The following ASB18 variants were observed in gnomAD, a reference collection of about 807,000 sequenced individuals.
ASB18 encodes the protein ankyrin repeat and SOCS box containing 18.
In ASB18, 33 loss-of-function variants were observed where a neutral mutation model predicts 33.4. That is an observed-to-expected ratio of 0.99 (90% CI 0.75 to 1.32). ASB18 has a LOEUF of 1.32. ASB18 is among the 40% of genes most tolerant of loss of function. ASB18 has a pLI of 0.00. For synonymous variants in ASB18, 295 were observed against 307.6 expected (o/e 0.96, Z 0.43); for missense variants, 694 against 655.5 (o/e 1.06, Z -0.64).
At position 236,239,758 on chromosome 2, in the gene ASB18, C is replaced by T. The variant is rs763280682; in HGVS notation, c.328+1522G>A. Among the ~76,000 whole-genome samples the T allele has an allele frequency of 5.9e-4, 90 of 152,336 alleles. No homozygotes were observed. The highest frequency in any genetic ancestry group is 9.8e-4 in the Non-Finnish European group (67 of 68,034). ...TCCCCACCAGGGGAGCTGGAATTGGCCACCGGGAAGTCTTTTCATGGGAGA... is the reference window on the plus strand; with the variant it reads ...TCCCCACCAGGGGAGCTGGAATTGGTCACCGGGAAGTCTTTTCATGGGAGA... On this transcript the variant is annotated intron_variant, in intron 2 of 5. Coordinates refer to ENST00000409749, the MANE Select transcript of ASB18 (RefSeq NM_212556.4). The surrounding 1 kb of genome is among the most constrained non-coding windows in gnomAD (Gnocchi z 5.6).
In ASB18 at chr2:236,214,573, A is replaced by T; in HGVS notation, c.890T>A (p.Leu297Gln). 7.4e-7 allele frequency: 1 copy of T among 1,355,606 alleles called. No individual in the cohort carries two copies. The highest frequency in any genetic ancestry group is 9.4e-7 in the Non-Finnish European group (1 of 1,064,080). The allele number at this position is 1,355,606 out of a possible 1,614,324, so 84.0% of individuals were successfully genotyped here. ...GCTCGCGTGGCCGCAGGCTTTGTGCAGCGGGCTGCGCTCGTCCTCGTCGCG... is the reference window on the plus strand; with the variant it reads ...GCTCGCGTGGCCGCAGGCTTTGTGCTGCGGGCTGCGCTCGTCCTCGTCGCG... ...DARDEDERSP[L>Q]HKACGHASHS... Residue 297 changes from leucine (L) to glutamine (Q), a missense_variant, in exon 4 of 6, where the codon CTG becomes CAG. Physicochemically the swap from Leu to Gln is moderately radical, Grantham distance 113. Coordinates refer to ENST00000409749, the MANE Select transcript of ASB18 (RefSeq NM_212556.4). This position sits in a 1 kb window ranked among gnomAD's most constrained non-coding sequence, Gnocchi z 6.5.
At chr2:236,247,538 C>T (rs1352921544) in intron 1 of ASB18, 1 of 143,496 alleles carries the variant, frequency 7.0e-6, no homozygotes, top group Non-Finnish European at 1.5e-5. Flanking sequence ...TTTTCTGACC[C>T]AGTGCTCTTG....
rs78641493 is a variant in ASB18 at position 236,256,161 on chromosome 2, G to A, written c.205+7980C>T. 8.4e-3 allele frequency among the ~76,000 whole-genome samples: 1,277 copies of A among 152,176 alleles called. 7 individuals are homozygous for A. The highest frequency in any genetic ancestry group is 0.014 in the Non-Finnish European group (930 of 68,014). On this transcript the variant is annotated intron_variant, in intron 1 of 5. Coordinates refer to ENST00000409749, the MANE Select transcript of ASB18 (RefSeq NM_212556.4). This position sits in a 1 kb window ranked among gnomAD's most constrained non-coding sequence, Gnocchi z 4.7. ...CTGCCTCAGTCCCCCAAGTAACTGG[G>A]ACTATAGGTGTGTGCCATCATGCCC...
rs2060523198 is a variant in ASB18 at position 236,223,655 on chromosome 2, A to G, written c.597-8789T>C. Among the ~76,000 whole-genome samples, 2 of 152,212 alleles carry G rather than the reference A, an allele frequency of 1.3e-5. No homozygotes were observed. The highest frequency in any genetic ancestry group is 4.1e-4 in the South Asian group (2 of 4,830). ...ACCAATACCTCAATGAAGACATAGA[A>G]TATTTCCATTTTGCCAGGAATTTCT... On this transcript the variant is annotated intron_variant, in intron 3 of 5. Coordinates refer to ENST00000409749, the MANE Select transcript of ASB18 (RefSeq NM_212556.4). This position sits in a 1 kb window ranked among gnomAD's most constrained non-coding sequence, Gnocchi z 4.6.
At position 236,249,783 on chromosome 2, in the gene ASB18, G is replaced by C. The variant is rs2060661172; in HGVS notation, c.206-8381C>G. Reference sequence around the variant, plus strand: ...ATGAAGTGAATTTAGGAAAAGGAAGGCAAGAATCCAAGCAGGAGAGGAGGC... The same window carrying C: ...ATGAAGTGAATTTAGGAAAAGGAAGCCAAGAATCCAAGCAGGAGAGGAGGC... On this transcript the variant is annotated intron_variant, in intron 1 of 5. Transcript: ENST00000409749. The surrounding 1 kb of genome is among the most constrained non-coding windows in gnomAD (Gnocchi z 4.6). 6.6e-6 allele frequency: 1 copy of C among 152,132 alleles called. No individual in the cohort carries two copies. Among genetic ancestry groups the C allele is most frequent in the Non-Finnish European group, 1.5e-5 (1 of 68,040 alleles). 9.4% of individuals were successfully genotyped at this position (152,132 alleles called of 1,614,324 possible).
rs1372856732 is a variant in ASB18, at chr2:236,238,135, A to G, written c.329-179T>C. ...ACAGAGACAGAGAGCAGAGAGACAC[A>G]CTGGGAAGAGACAGGCGTAGACAGA... On this transcript the variant is annotated intron_variant, in intron 2 of 5. Coordinates refer to ENST00000409749, the MANE Select transcript of ASB18 (RefSeq NM_212556.4). This position sits in a 1 kb window ranked among gnomAD's most constrained non-coding sequence, Gnocchi z 5.2. 1.3e-5 allele frequency among the ~76,000 whole-genome samples: 2 copies of G among 152,186 alleles called. No homozygotes were observed. Among genetic ancestry groups the G allele is most frequent in the Non-Finnish European group, 2.9e-5 (2 of 68,030 alleles).
At position 236,196,368 on chromosome 2, in the gene ASB18, T is replaced by C. The variant is rs996912503; in HGVS notation, c.1119A>G (p.Ala373=). ...DAFPKVLKTC[A]SVPAVIEVLF... ...GCACCTCGATGACTGCGGGGACAGATGCACAGGTCTTCAGCACCTGGTGGG... is the reference window on the plus strand; with the variant it reads ...GCACCTCGATGACTGCGGGGACAGACGCACAGGTCTTCAGCACCTGGTGGG... Residue 373 remains alanine (A), a synonymous_variant, in exon 5 of 6, where the codon GCA becomes GCG. Coordinates refer to ENST00000409749, the MANE Select transcript of ASB18 (RefSeq NM_212556.4). This position sits in a 1 kb window ranked among gnomAD's most constrained non-coding sequence, Gnocchi z 5.6. 4 of 1,562,614 alleles carry C rather than the reference T, an allele frequency of 2.6e-6. No homozygotes were observed. The highest frequency in any genetic ancestry group is 2.7e-5 in the African/African-American group (2 of 73,144).
In ASB18 at chr2:236,245,459, C is replaced by T. The variant is rs2060640651; in HGVS notation, c.206-4057G>A. Among the ~76,000 whole-genome samples the T allele has an allele frequency of 6.6e-6, 1 of 152,228 alleles. No homozygotes were observed. The highest frequency in any genetic ancestry group is 2.1e-4 in the South Asian group (1 of 4,838). On this transcript the variant is annotated intron_variant, in intron 1 of 5. Coordinates refer to ENST00000409749, the MANE Select transcript of ASB18 (RefSeq NM_212556.4). This position sits in a 1 kb window ranked among gnomAD's most constrained non-coding sequence, Gnocchi z 4.7. ...TTCCTACCTTGCCCTCACCGTTGTC[C>T]CTGGAGCATGCCACACCTTAGTATA...
rs2060687625 is a variant in ASB18 at position 236,255,374 on chromosome 2, C to T, written c.205+8767G>A. 6.6e-6 allele frequency among the ~76,000 whole-genome samples: 1 copy of T among 152,146 alleles called. No homozygotes were observed. The highest frequency in any genetic ancestry group is 2.4e-5 in the African/African-American group (1 of 41,414). On this transcript the variant is annotated intron_variant, in intron 1 of 5. Transcript: ENST00000409749. This position sits in a 1 kb window ranked among gnomAD's most constrained non-coding sequence, Gnocchi z 4.4. Reference sequence around the variant, plus strand: ...GGCCAGACTGGTCTTGAACTCCTGACCTCAGGTGATCTGCCCCCCTCGGCC... The same window carrying T: ...GGCCAGACTGGTCTTGAACTCCTGATCTCAGGTGATCTGCCCCCCTCGGCC...
In ASB18 at chr2:236,215,314, C is replaced by G. The variant is rs2060482970; in HGVS notation, c.597-448G>C. Among the ~76,000 whole-genome samples, 1 of 152,098 alleles carries G rather than the reference C, an allele frequency of 6.6e-6. No homozygotes were observed. Among genetic ancestry groups the G allele is most frequent in the South Asian group, 2.1e-4 (1 of 4,832 alleles). On this transcript the variant is annotated intron_variant, in intron 3 of 5. Coordinates refer to ENST00000409749, the MANE Select transcript of ASB18 (RefSeq NM_212556.4). This position sits in a 1 kb window ranked among gnomAD's most constrained non-coding sequence, Gnocchi z 7.2. The stretch of plus-strand genomic sequence containing the variant: ...TCTAGCCCTTCTGGAAACCGCTCAG[C>G]TTTGTGAGGGTGTGAGGCAAGCCTT...
rs1365813172 is a variant in ASB18, at chr2:236,234,690, T to G, written c.596+2999A>C. Among the ~76,000 whole-genome samples, 1 of 152,232 alleles carries G rather than the reference T, an allele frequency of 6.6e-6. No homozygotes were observed. The highest frequency in any genetic ancestry group is 2.4e-5 in the African/African-American group (1 of 41,456). ...GAAAGGAAGGGTTTAGATTCACAAA[T>G]ACTTATTTTCTACTAACAGTGCTGG... is the stretch of plus-strand genomic sequence containing the variant. On this transcript the variant is annotated intron_variant, in intron 3 of 5. Coordinates refer to ENST00000409749, the MANE Select transcript of ASB18 (RefSeq NM_212556.4). This position sits in a 1 kb window ranked among gnomAD's most constrained non-coding sequence, Gnocchi z 4.1.
At position 236,195,577 on chromosome 2, in the gene ASB18, G is replaced by A. The variant is rs1232415129; in HGVS notation, c.1216-520C>T. On this transcript the variant is annotated intron_variant, in intron 5 of 5. Transcript: ENST00000409749. The surrounding 1 kb of genome is among the most constrained non-coding windows in gnomAD (Gnocchi z 5.5). ...GTCACCCAGGCTGGAGTGCAGTGGC[G>A]TGATCCCAGCTTATTGCACTCTCTG... Among the ~76,000 whole-genome samples, 2 of 151,190 alleles carry A rather than the reference G, an allele frequency of 1.3e-5. No homozygotes were observed. Among genetic ancestry groups the A allele is most frequent in the African/African-American group, 2.4e-5 (1 of 41,054 alleles).
intron 1 of ASB18, among the ~76,000 whole-genome samples, chr2:236,258,437 C>T (rs559236088): frequency 6.6e-6 from 1 of 152,322 alleles, no homozygotes; most frequent in Non-Finnish European, 1.5e-5. Flanking sequence ...ACTGGGTCCC[C>T]TTCCTCTCAG....
At position 236,249,069 on chromosome 2, in the gene ASB18, C is replaced by A. The variant is rs2060658233; in HGVS notation, c.206-7667G>T. Reference sequence around the variant, plus strand: ...CCAAATTTAGATGGCATAAATGCAGCAAATTATTTGAAAACATTCAAAGCA... The same window carrying A: ...CCAAATTTAGATGGCATAAATGCAGAAAATTATTTGAAAACATTCAAAGCA... On this transcript the variant is annotated intron_variant, in intron 1 of 5. Coordinates refer to ENST00000409749, the MANE Select transcript of ASB18 (RefSeq NM_212556.4). The surrounding 1 kb of genome is among the most constrained non-coding windows in gnomAD (Gnocchi z 4.6). 2.0e-5 allele frequency: 3 copies of A among 152,198 alleles called. No homozygotes were observed. Among genetic ancestry groups the A allele is most frequent in the African/African-American group, 2.4e-5 (1 of 41,446 alleles). 9.4% of individuals were successfully genotyped at this position (152,198 alleles called of 1,614,324 possible).
rs1177059790 is a variant in ASB18, at chr2:236,260,524, C to T, written c.205+3617G>A. On this transcript the variant is annotated intron_variant, in intron 1 of 5. Coordinates refer to ENST00000409749, the MANE Select transcript of ASB18 (RefSeq NM_212556.4). The surrounding 1 kb of genome is among the most constrained non-coding windows in gnomAD (Gnocchi z 5.1). ...TCTTTCTCCCATCAAGGATGGTCCC[C>T]CCAAACTCGCCCTTACCTTGAGAAA... 1.3e-5 allele frequency among the ~76,000 whole-genome samples: 2 copies of T among 152,212 alleles called. No individual in the cohort carries two copies. Among genetic ancestry groups the T allele is most frequent in the South Asian group, 2.1e-4 (1 of 4,828 alleles).
In ASB18 at chr2:236,219,841, A is replaced by G. The variant is rs1397563621; in HGVS notation, c.597-4975T>C. 6.6e-6 allele frequency among the ~76,000 whole-genome samples: 1 copy of G among 152,314 alleles called. No individual in the cohort carries two copies. The highest frequency in any genetic ancestry group is 2.1e-4 in the South Asian group (1 of 4,828). On this transcript the variant is annotated intron_variant, in intron 3 of 5. Coordinates refer to ENST00000409749, the MANE Select transcript of ASB18 (RefSeq NM_212556.4). This position sits in a 1 kb window ranked among gnomAD's most constrained non-coding sequence, Gnocchi z 6.4. Reference sequence around the variant, plus strand: ...CCTGATAGAAAGGCAAAAGTCAGAAAGGCCTGGGGTCAGGGTAGAACAGTC... The same window carrying G: ...CCTGATAGAAAGGCAAAAGTCAGAAGGGCCTGGGGTCAGGGTAGAACAGTC...
At position 236,235,704 on chromosome 2, in the gene ASB18, A is replaced by C; in HGVS notation, c.596+1985T>G. ...TTCAAAACTAGTTGGGCCATTTATT[A>C]GTTATTGTTATTATTATTTGAGACA... On this transcript the variant is annotated intron_variant, in intron 3 of 5. Coordinates refer to ENST00000409749, the MANE Select transcript of ASB18 (RefSeq NM_212556.4). The surrounding 1 kb of genome is among the most constrained non-coding windows in gnomAD (Gnocchi z 6.2). Among the ~76,000 whole-genome samples, 1 of 152,188 alleles carries C rather than the reference A, an allele frequency of 6.6e-6. No individual in the cohort carries two copies. The highest frequency in any genetic ancestry group is 1.9e-4 in the East Asian group (1 of 5,190).
At chr2:236,236,677 C>T (rs994090035) in intron 3 of ASB18, among the ~76,000 whole-genome samples, 1 of 152,106 alleles carries the variant, frequency 6.6e-6, no homozygotes, top group Non-Finnish European at 1.5e-5. Flanking sequence ...TGCCTGAGTC[C>T]CTGAATGCCC....
rs898290009 is a variant in ASB18 at position 236,249,700 on chromosome 2, G to A, written c.206-8298C>T. Reference sequence around the variant, plus strand: ...TTGACAGAGGAAGCTTATTTGTGTGGGTGGACCGTGGCAGAATACTAAACA... The same window carrying A: ...TTGACAGAGGAAGCTTATTTGTGTGAGTGGACCGTGGCAGAATACTAAACA... On this transcript the variant is annotated intron_variant, in intron 1 of 5. Transcript: ENST00000409749. This position sits in a 1 kb window ranked among gnomAD's most constrained non-coding sequence, Gnocchi z 4.6. The A allele has an allele frequency of 1.3e-5, 2 of 152,036 alleles. No homozygotes were observed. The highest frequency in any genetic ancestry group is 4.8e-5 in the African/African-American group (2 of 41,364). The allele number at this position is 152,036 out of a possible 1,614,324, so 9.4% of individuals were successfully genotyped here.
Sources: gnomAD v4.1 joint callset for allele counts (sites outside exome capture counted in the v4.1 genomes callset) on GRCh38, gnomAD v4.1.1 for gene constraint, Gnocchi (gnomAD v3.1) non-coding constraint, MANE v1.5 for transcripts, NCBI Gene and HGNC (gene_info 2026-07-23, HGNC 2026-07-21) for gene names.